The following NRXN3 variants were observed in gnomAD, a reference collection of about 807,000 sequenced individuals.
The protein encoded by NRXN3 is neurexin 3.
NRXN3 carries 32 observed loss-of-function variants against 137.6 expected under a neutral mutation model. The ratio of observed to expected loss-of-function variants is 0.23; its 90% CI spans 0.18 to 0.31. The LOEUF (loss-of-function observed/expected upper bound fraction) is 0.31. NRXN3 is among the 10% of genes least tolerant of loss of function. The probability of loss-of-function intolerance (pLI) is 1.00; values close to 1 mark genes in which losing one functional copy is unlikely to be tolerated. For synonymous variants in NRXN3, 798 were observed against 784.5 expected, an observed-to-expected ratio of 1.02 and a Z score of -0.29; for missense variants, 1,574 against 2,062.5, an observed-to-expected ratio of 0.76 and a Z score of 4.59.
At chr14:79,577,540 C>T (rs995470280) in intron 16 of NRXN3, among the ~76,000 whole-genome samples, 3 of 152,180 alleles carry the variant, frequency 2.0e-5, no homozygotes, top group African/African-American at 7.2e-5. Flanking sequence ...GTAACTTACT[C>T]CTTCAGAAAT....
At chr14:78,707,299 T>C (rs111730347) in intron 6 of NRXN3, among the ~76,000 whole-genome samples, 32 of 152,290 alleles carry the variant, frequency 2.1e-4, no homozygotes, top group African/African-American at 7.0e-4. Flanking sequence ...AGAATTTGAA[T>C]AAGGTAATAT....
intron 15 of NRXN3, among the ~76,000 whole-genome samples, chr14:79,134,689 A>G (rs964663588): frequency 4.6e-5 from 7 of 152,274 alleles, no homozygotes; most frequent in Middle Eastern, 3.4e-3. Context: ...TCATTTTCAA[A>G]TTATCCTTTT....
intron 10 of NRXN3, among the ~76,000 whole-genome samples, chr14:78,842,801 C>T (rs1021796146): frequency 2.0e-5 from 3 of 152,092 alleles, no homozygotes; most frequent in African/African-American, 7.2e-5. Context: ...CTGAGAAAAA[C>T]AATTCAGAGA....
chr14:79,801,463 C>G (rs1286277509), intron 19 of NRXN3, among the ~76,000 whole-genome samples: 1 of 152,152 alleles, frequency 6.6e-6, no homozygotes. Flanking sequence ...CTTGGAATTA[C>G]TTTGATTGAG....
intron 4 of NRXN3, among the ~76,000 whole-genome samples, chr14:78,407,734 T>C (rs1485464597): frequency 6.6e-6 from 1 of 152,204 alleles, no homozygotes; most frequent in African/African-American, 2.4e-5. Flanking sequence ...TTTTTAATTT[T>C]GCTGCTCAGC....
chr14:79,697,548 G>T (rs2098740013), intron 18 of NRXN3, 82 bp from the exon 19 acceptor site: 3 of 1,433,042 alleles, frequency 2.1e-6, no homozygotes, highest in Admixed American at 4.3e-5. Context: ...AGCCTGTTAT[G>T]ATGCCTGGTC....
intron 17 of NRXN3, among the ~76,000 whole-genome samples, chr14:79,680,073 C>G (rs897778911): frequency 5.3e-5 from 8 of 152,052 alleles, no homozygotes; most frequent in Non-Finnish European, 8.8e-5. Context: ...AAGAAATGCC[C>G]CTTAAATAGT....
At chr14:78,813,568 A>G (rs1308884113) in intron 10 of NRXN3, among the ~76,000 whole-genome samples, 1 of 151,922 alleles carries the variant, frequency 6.6e-6, no homozygotes, top group Non-Finnish European at 1.5e-5. Context: ...ATCAAGGTGG[A>G]TTATAAGTTT....
At chr14:79,241,473 CTTG>C (rs1266727854) in intron 15 of NRXN3, among the ~76,000 whole-genome samples, 3 of 152,138 alleles carry the variant, frequency 2.0e-5, no homozygotes, top group Non-Finnish European at 2.9e-5. Flanking sequence ...GGCAAGAGAA[CTTG>C]TGCAGGGGAA....
At chr14:79,619,744 A>G (rs1488375658) in intron 16 of NRXN3, among the ~76,000 whole-genome samples, 1 of 152,088 alleles carries the variant, frequency 6.6e-6, no homozygotes, top group Non-Finnish European at 1.5e-5. Flanking sequence ...TAGGTTCCTA[A>G]GAGATACCAA....
intron 16 of NRXN3, among the ~76,000 whole-genome samples, chr14:79,506,718 T>C (rs1329549917): frequency 6.6e-6 from 1 of 152,166 alleles, no homozygotes; most frequent in Admixed American, 6.5e-5. Flanking sequence ...CTAGCTTCAT[T>C]TGTCCTTTAA....
chr14:78,714,905 A>T lies in NRXN3; in HGVS notation c.1810A>T (p.Asn604Tyr), dbSNP rs773060824. ...LPTELWTAMLNYGYVGCIRDL... is the reference protein window; with the variant it reads ...LPTELWTAMLYYGYVGCIRDL... ...CACCGAGCTGTGGACTGCCATGCTC[A>T]ACTATGGCTACGTGGGCTGCATCCG... Residue 604 changes from asparagine to tyrosine, a missense_variant, in exon 8 of 21, where the codon AAC becomes TAC. By Grantham distance (143) the Asn-to-Tyr change is moderately radical. Transcript: ENST00000335750. The T allele has an allele frequency of 4.3e-6, 7 of 1,614,142 alleles. No homozygotes were observed. Among genetic ancestry groups the T allele is most frequent in the South Asian group, 1.1e-5 (1 of 91,080 alleles).
chr14:78,935,377 C>A (rs979096361), intron 10 of NRXN3, among the ~76,000 whole-genome samples: 1 of 152,172 alleles, frequency 6.6e-6, no homozygotes, highest in Non-Finnish European at 1.5e-5. Flanking sequence ...ATGTATAGAG[C>A]CATCCCTTGG....
At chr14:79,219,304 A>G (rs2069106729) in intron 15 of NRXN3, among the ~76,000 whole-genome samples, 1 of 151,902 alleles carries the variant, frequency 6.6e-6, no homozygotes, top group Non-Finnish European at 1.5e-5. Flanking sequence ...TTATTTATTT[A>G]TTTTTTTGTA....
chr14:78,188,267 G>A lies in NRXN3; in HGVS notation c.-704+17593G>A, dbSNP rs142336165. ...CAGTTGGGGAAACTGAGGCTTAGAG[G>A]TCAAGTGATTTGATCAAGATCCCAC... On this transcript the variant is annotated intron_variant, in intron 1 of 20. Transcript: ENST00000335750. Among the ~76,000 whole-genome samples, 856 of 152,304 alleles carry A rather than the reference G, an allele frequency of 5.6e-3. 9 individuals carry two copies. Among genetic ancestry groups the A allele is most frequent in the African/African-American group, 0.019 (803 of 41,566 alleles).
chr14:79,451,292 C>G (rs2096168480), intron 15 of NRXN3, among the ~76,000 whole-genome samples: 1 of 152,078 alleles, frequency 6.6e-6, no homozygotes, highest in Admixed American at 6.6e-5. Context: ...GGTTCTGGGT[C>G]TGTAGTGGCA....
chr14:79,511,601 A>G (rs1162939924), intron 16 of NRXN3, among the ~76,000 whole-genome samples: 1 of 152,148 alleles, frequency 6.6e-6, no homozygotes, highest in South Asian at 2.1e-4. Context: ...AGTACCTCCC[A>G]TCTCTCTCAG....
chr14:78,966,385 T>C lies in NRXN3; in HGVS notation c.2756T>C (p.Ile919Thr). Residue 919 changes from isoleucine (I) to threonine (T), a missense_variant, in exon 12 of 21, where the codon ATT (isoleucine) becomes ACT (threonine). This residue lies in a region of NRXN3 where 718 missense variants were observed against 887.6 expected (regional missense o/e 0.81). Transcript: ENST00000335750. ...LFNSGDGNDF[I>T]AVELVKGYIH... ...AATAGTGGTGATGGCAATGACTTCA[T>C]TGCAGTCGAGCTTGTCAAGGGGTAA... 6.2e-7 allele frequency: 1 copy of C among 1,613,010 alleles called. No individual in the cohort carries two copies. Among genetic ancestry groups the C allele is most frequent in the Non-Finnish European group, 8.5e-7 (1 of 1,179,042 alleles).
At chr14:78,611,460 G>T (rs2097300336) in intron 4 of NRXN3, among the ~76,000 whole-genome samples, 1 of 149,522 alleles carries the variant, frequency 6.7e-6, no homozygotes, top group African/African-American at 2.5e-5. Context: ...ATCACTTATG[G>T]ATATACCAGA....
Sources: allele counts gnomAD v4.1 joint callset (sites outside exome capture counted in the v4.1 genomes callset), GRCh38; gene constraint gnomAD v4.1.1; regional missense constraint gnomAD v4.1.1; transcripts MANE v1.5; gene names NCBI Gene and HGNC (gene_info 2026-07-23, HGNC 2026-07-21).